The following CDK14 variants were observed in gnomAD, a reference collection of about 807,000 sequenced individuals.
The protein encoded by CDK14 is cyclin-dependent kinase 14.
A neutral mutation model predicts 60.7 loss-of-function variants in CDK14; 34 were observed. The ratio of observed to expected loss-of-function variants is 0.56; its 90% CI spans 0.43 to 0.75. The LOEUF (loss-of-function observed/expected upper bound fraction) is 0.75. CDK14 is among the 30% of genes least tolerant of loss of function. The pLI is 0.00. For synonymous variants in CDK14, 197 were observed against 203.7 expected, an observed-to-expected ratio of 0.97 and a Z score of 0.28; for missense variants, 482 against 564.1, an observed-to-expected ratio of 0.85 and a Z score of 1.47.
At position 90,940,071 on chromosome 7, in the gene CDK14, C is replaced by T. The variant is rs1011500220; in HGVS notation, c.827-15626C>T. Among the ~76,000 whole-genome samples, 45 of 152,102 alleles carry T rather than the reference C, an allele frequency of 3.0e-4. 1 individual carries two copies. Among genetic ancestry groups the T allele is most frequent in the Admixed American group, 1.3e-4 (2 of 15,250 alleles). On this transcript the variant is annotated intron_variant, in intron 8 of 14. Transcript: ENST00000380050. ...AGGACTTATTAGACCCTTTTTCTTT[C>T]TCTCTTTTTTTTCTGTAGGTAACAT...
intron 2 of CDK14, among the ~76,000 whole-genome samples, chr7:90,650,668 C>G (rs1800614338): frequency 6.6e-6 from 1 of 152,184 alleles, no homozygotes. Context: ...TTTCAGCTTT[C>G]TACATATGGC....
At chr7:90,744,228 C>A (rs1249930216) in intron 3 of CDK14, among the ~76,000 whole-genome samples, 1 of 152,084 alleles carries the variant, frequency 6.6e-6, no homozygotes, top group Non-Finnish European at 1.5e-5. Context: ...GAGCATGCTG[C>A]CTTCAAGCAT....
At chr7:90,638,991 T>G (rs1800241547) in intron 2 of CDK14, among the ~76,000 whole-genome samples, 4 of 152,196 alleles carry the variant, frequency 2.6e-5, no homozygotes, top group Non-Finnish European at 5.9e-5. Context: ...TCAGCTCCTT[T>G]AAGCACTTCT....
intron 10 of CDK14, among the ~76,000 whole-genome samples, chr7:91,002,868 C>T (rs772095514): frequency 3.9e-5 from 6 of 152,002 alleles, no homozygotes; most frequent in Non-Finnish European, 5.9e-5. Flanking sequence ...GTCAGGAGAT[C>T]GAGACCATCC....
chr7:90,895,357 T>TCCC (rs1562817531), intron 6 of CDK14, among the ~76,000 whole-genome samples: 1 of 34,862 alleles, frequency 2.9e-5, no homozygotes, highest in Non-Finnish European at 5.8e-5. Context: ...TCTCCTCTCC[T>TCCC]CACCTCTCCT....
At chr7:90,628,942 T>C (rs1799935159) in intron 2 of CDK14, among the ~76,000 whole-genome samples, 1 of 151,564 alleles carries the variant, frequency 6.6e-6, no homozygotes, top group South Asian at 2.1e-4. Flanking sequence ...GTAATGTTGA[T>C]GACTCTGGTC....
chr7:90,763,765 G>A lies in CDK14; in HGVS notation c.464+15990G>A, dbSNP rs1437845792. On this transcript the variant is annotated intron_variant, in intron 4 of 14. Transcript: ENST00000380050. ...ACCAACACAGCACATGTATACATAT[G>A]TAACAAACCTGCATGTTGTGCACAT... is the stretch of plus-strand genomic sequence containing the variant. Among the ~76,000 whole-genome samples the A allele has an allele frequency of 3.9e-5, 6 of 152,094 alleles. 1 individual carries two copies. The highest frequency in any genetic ancestry group is 2.9e-5 in the Non-Finnish European group (2 of 68,028).
intron 5 of CDK14, among the ~76,000 whole-genome samples, chr7:90,808,207 G>A (rs1327735550): frequency 6.6e-6 from 1 of 152,154 alleles, no homozygotes; most frequent in Non-Finnish European, 1.5e-5. Context: ...GTTAAGGGCA[G>A]CCAGAGAGAA....
chr7:90,741,306 A>C (rs73218858), intron 3 of CDK14, among the ~76,000 whole-genome samples: 23,663 of 152,216 alleles, frequency 0.16, 1,955 homozygotes, highest in Middle Eastern at 0.25. Context: ...AGCATTAATG[A>C]TGAGTGAGAG....
At chr7:90,938,301 G>T (rs902466144) in intron 8 of CDK14, among the ~76,000 whole-genome samples, 1 of 152,216 alleles carries the variant, frequency 6.6e-6, no homozygotes, top group Admixed American at 6.5e-5. Context: ...CTGTAGGTTT[G>T]AGAGCTTGTG....
At chr7:91,133,977 A>G (rs1421091213) in intron 14 of CDK14, among the ~76,000 whole-genome samples, 1 of 152,194 alleles carries the variant, frequency 6.6e-6, no homozygotes, top group African/African-American at 2.4e-5. Context: ...CAGTATCCAG[A>G]TGATTAAGAG....
intron 10 of CDK14, among the ~76,000 whole-genome samples, chr7:91,040,437 G>A (rs1415489609): frequency 1.3e-5 from 2 of 152,164 alleles, no homozygotes; most frequent in Non-Finnish European, 2.9e-5. Context: ...TTCCAGATCC[G>A]AAAGTAGTAC....
intron 2 of CDK14, among the ~76,000 whole-genome samples, chr7:90,671,289 C>CTTTTTTTTTTTTTTTT (rs201022256): frequency 6.8e-6 from 1 of 147,288 alleles, no homozygotes. Flanking sequence ...CAGGAGATGA[C>CTTTTTTTTTTTTTTTT]TTTTTTTTTT....
chr7:90,691,833 T>C (rs1801558922), intron 2 of CDK14, among the ~76,000 whole-genome samples: 1 of 152,152 alleles, frequency 6.6e-6, no homozygotes. Context: ...CAGAAGTATT[T>C]GCTAACAGAT....
intron 11 of CDK14, among the ~76,000 whole-genome samples, chr7:91,064,153 G>A (rs772304334): frequency 6.6e-6 from 1 of 152,244 alleles, no homozygotes; most frequent in African/African-American, 2.4e-5. Flanking sequence ...GGTGGAAAGA[G>A]AGTTGGGAGA....
intron 14 of CDK14, among the ~76,000 whole-genome samples, chr7:91,141,796 G>T (rs1039421737): frequency 4.0e-5 from 5 of 125,146 alleles, no homozygotes; most frequent in Admixed American, 8.8e-5. Flanking sequence ...TAAAACAGTG[G>T]GTTTTGTTGT....
intron 5 of CDK14, among the ~76,000 whole-genome samples, chr7:90,852,881 CTT>C (rs953014203): frequency 6.6e-6 from 1 of 152,180 alleles, no homozygotes; most frequent in African/African-American, 2.4e-5. Context: ...TGAACTGACA[CTT>C]TGGGTAACAC....
At chr7:90,724,221 A>G (rs1802551796) in intron 2 of CDK14, among the ~76,000 whole-genome samples, 1 of 151,686 alleles carries the variant, frequency 6.6e-6, no homozygotes. Flanking sequence ...ATTTATTGGC[A>G]CAATGTTGTT....
intron 2 of CDK14, among the ~76,000 whole-genome samples, chr7:90,697,229 C>T (rs1288744751): frequency 6.6e-6 from 1 of 152,074 alleles, no homozygotes; most frequent in Non-Finnish European, 1.5e-5. Context: ...TAGTTTTATT[C>T]CCCTTTTCTT....
Sources: gnomAD v4.1 joint callset for allele counts (sites outside exome capture counted in the v4.1 genomes callset) on GRCh38, gnomAD v4.1.1 for gene constraint, MANE v1.5 for transcripts, NCBI Gene and HGNC (gene_info 2026-07-23, HGNC 2026-07-21) for gene names.